GRM8: variants seen among roughly 807,000 people sequenced by gnomAD.
GRM8 encodes glutamate metabotropic receptor 8, also known as metabotropic glutamate receptor 8.
Under a neutral mutation model 87.2 loss-of-function variants are expected in GRM8, and 47 were observed. The observed-to-expected ratio is 0.54, with a 90% CI of 0.43 to 0.69. GRM8 has a LOEUF of 0.69. GRM8 is among the 30% of genes least tolerant of loss of function. GRM8 has a pLI of 0.00. For synonymous variants in GRM8, 396 were observed against 404.5 expected (o/e 0.98, Z 0.25); for missense variants, 1,019 against 1,139.2 (o/e 0.89, Z 1.52).
At chr7:127,247,506 C>T (rs1028295019) in intron 1 of GRM8, among the ~76,000 whole-genome samples, 2 of 152,098 alleles carry the variant, frequency 1.3e-5, no homozygotes, top group Non-Finnish European at 2.9e-5. Flanking sequence ...ACACTTGCAG[C>T]TCTTTTGGTT....
intron 2 of GRM8, among the ~76,000 whole-genome samples, chr7:127,158,420 G>A (rs1418343558): frequency 6.6e-6 from 1 of 152,160 alleles, no homozygotes; most frequent in African/African-American, 2.4e-5. Context: ...TTTGGGTGAA[G>A]ACATGACATT....
intron 2 of GRM8, chr7:127,228,858 ATTCT>A (rs1797507141): frequency 6.6e-6 from 1 of 152,212 alleles, no homozygotes; most frequent in South Asian, 2.1e-4. Context: ...ATGGGCATAG[ATTCT>A]TTGAGGGAAT....
intron 3 of GRM8, among the ~76,000 whole-genome samples, chr7:126,929,010 T>C (rs1198909656): frequency 6.6e-6 from 1 of 152,118 alleles, no homozygotes; most frequent in African/African-American, 2.4e-5. Context: ...AAGGTGTTGA[T>C]GCATTTAATG....
At chr7:126,930,879 T>TC in intron 3 of GRM8, among the ~76,000 whole-genome samples, 1 of 152,202 alleles carries the variant, frequency 6.6e-6, no homozygotes, top group Non-Finnish European at 1.5e-5. Context: ...GAACTCTCTC[T>TC]TTGTCTGCTT....
chr7:127,151,780 T>C (rs541688308), intron 2 of GRM8, among the ~76,000 whole-genome samples: 55 of 152,212 alleles, frequency 3.6e-4, no homozygotes, highest in Middle Eastern at 3.4e-3. Context: ...AATACAAATC[T>C]AAAGAAGAGA....
At chr7:126,921,970 AG>A (rs1395403848) in intron 3 of GRM8, among the ~76,000 whole-genome samples, 1 of 152,110 alleles carries the variant, frequency 6.6e-6, no homozygotes, top group African/African-American at 2.4e-5. Flanking sequence ...CAGCCATCAA[AG>A]GTCCAAAGAT....
At chr7:127,018,659 C>A (rs1815949349) in intron 3 of GRM8, among the ~76,000 whole-genome samples, 1 of 151,858 alleles carries the variant, frequency 6.6e-6, no homozygotes, top group Non-Finnish European at 1.5e-5. Context: ...ACAACTCAGA[C>A]CAAAAAGTCA....
intron 3 of GRM8, among the ~76,000 whole-genome samples, chr7:127,002,524 G>T (rs1362414290): frequency 6.6e-6 from 1 of 151,658 alleles, no homozygotes; most frequent in East Asian, 1.9e-4. Flanking sequence ...AACTGCTCTT[G>T]GCAGTGGGTA....
chr7:126,534,566 T>C (rs2150865359), intron 8 of GRM8, among the ~76,000 whole-genome samples: 1 of 152,332 alleles, frequency 6.6e-6, no homozygotes, highest in East Asian at 1.9e-4. Flanking sequence ...CCTATGGTGA[T>C]TTAAAGCAGG....
intron 8 of GRM8, among the ~76,000 whole-genome samples, chr7:126,557,170 C>T (rs777475164): frequency 2.6e-5 from 4 of 152,178 alleles, no homozygotes; most frequent in Admixed American, 6.5e-5. Flanking sequence ...GAAGACCTCA[C>T]ACTGCCTTGC....
chr7:126,586,363 C>A (rs2151027041), intron 8 of GRM8, among the ~76,000 whole-genome samples: 1 of 152,280 alleles, frequency 6.6e-6, no homozygotes, highest in South Asian at 2.1e-4. Context: ...AAAGAGCCTG[C>A]ATTGCCAAGA....
chr7:126,748,710 GA>G (rs1377393607), intron 7 of GRM8, among the ~76,000 whole-genome samples: 1 of 133,302 alleles, frequency 7.5e-6, no homozygotes, highest in Non-Finnish European at 1.6e-5. Context: ...GAAAAACAAA[GA>G]GAATTTACAC....
intron 3 of GRM8, among the ~76,000 whole-genome samples, chr7:127,000,060 A>G (rs1813572241): frequency 3.9e-5 from 6 of 151,908 alleles, no homozygotes; most frequent in African/African-American, 1.4e-4. Flanking sequence ...TACTGGAGCC[A>G]TAAGAAAGAA....
In GRM8 at chr7:126,982,876, T is replaced by C. The variant is rs1002420148; in HGVS notation, c.728-78193A>G. On this transcript the variant is annotated intron_variant, in intron 3 of 10. Transcript: ENST00000339582. ...CTTCATTCCTGAAGGGTCTGAGCCA[T>C]CTGCAGTCCTGCCTGGATTGGGCTG... Among the ~76,000 whole-genome samples, 8 of 152,322 alleles carry C rather than the reference T, an allele frequency of 5.3e-5. No homozygotes were observed. In the South Asian group the frequency reaches 1.0e-3, roughly 20 times the overall value.
intron 2 of GRM8, among the ~76,000 whole-genome samples, chr7:127,129,648 G>A (rs1199139679): frequency 6.6e-6 from 1 of 152,098 alleles, no homozygotes; most frequent in Non-Finnish European, 1.5e-5. Flanking sequence ...ACCATGGAAA[G>A]CTAAACCAAT....
At chr7:126,532,056 T>C (rs1403911908) in intron 9 of GRM8, among the ~76,000 whole-genome samples, 2 of 152,226 alleles carry the variant, frequency 1.3e-5, no homozygotes, top group African/African-American at 4.8e-5. Context: ...TTTATCTCCA[T>C]CCCACTACCC....
chr7:126,863,998 A>G (rs1281345086), intron 6 of GRM8, among the ~76,000 whole-genome samples: 1 of 146,348 alleles, frequency 6.8e-6, no homozygotes, highest in African/African-American at 2.5e-5. Flanking sequence ...ATACAAATAT[A>G]TACTTGGTTA....
chr7:126,825,979 T>C (rs1184730301), intron 6 of GRM8, among the ~76,000 whole-genome samples: 1 of 152,042 alleles, frequency 6.6e-6, no homozygotes, highest in Non-Finnish European at 1.5e-5. Context: ...TGTTTAGTTT[T>C]TTGTCCTTGC....
At chr7:127,001,780 A>C (rs1241299813) in intron 3 of GRM8, among the ~76,000 whole-genome samples, 1 of 151,630 alleles carries the variant, frequency 6.6e-6, no homozygotes, top group Non-Finnish European at 1.5e-5. Flanking sequence ...CTGGAAAAAA[A>C]CCCAACTATC....
Sources: gnomAD v4.1 joint callset for allele counts (sites outside exome capture counted in the v4.1 genomes callset) on GRCh38, gnomAD v4.1.1 for gene constraint, MANE v1.5 for transcripts, NCBI Gene and HGNC (gene_info 2026-07-23, HGNC 2026-07-21) for gene names.